Variants in ZRANB3 observed in about 807,000 individuals in gnomAD.
ZRANB3 encodes DNA annealing helicase and endonuclease ZRANB3.
In ZRANB3, 125 loss-of-function variants were observed where a neutral mutation model predicts 133.8. The observed-to-expected ratio is 0.93, with a 90% CI of 0.81 to 1.08. The LOEUF is 1.08. Ranked by LOEUF, ZRANB3 falls within the 50% of genes least tolerant of loss-of-function variation. The pLI is 0.00. For synonymous variants in ZRANB3, 387 were observed against 432.7 expected (o/e 0.89, Z 1.31); for missense variants, 1,229 against 1,275.5 (o/e 0.96, Z 0.56).
At chr2:135,420,058 A>G (rs13385683) in intron 2 of ZRANB3, among the ~76,000 whole-genome samples, 2,211 of 145,192 alleles carry the variant, frequency 0.015, 48 homozygotes, top group African/African-American at 0.051. Flanking sequence ...TACATTTTAG[A>G]TTTTACGTAA....
intron 12 of ZRANB3, among the ~76,000 whole-genome samples, chr2:135,261,711 A>C (rs1679973689): frequency 6.6e-6 from 1 of 152,244 alleles, no homozygotes; most frequent in Non-Finnish European, 1.5e-5. Context: ...CAAATTCTTA[A>C]TATCTAGCTT....
intron 2 of ZRANB3, among the ~76,000 whole-genome samples, chr2:135,418,880 T>A (rs562116870): frequency 6.7e-6 from 1 of 150,206 alleles, no homozygotes; most frequent in East Asian, 2.0e-4. Flanking sequence ...TTCCTAACTA[T>A]ATATACCTGT....
chr2:135,230,009 T>A (rs902366936), intron 13 of ZRANB3, among the ~76,000 whole-genome samples: 1 of 152,174 alleles, frequency 6.6e-6, no homozygotes, highest in African/African-American at 2.4e-5. Flanking sequence ...CAAATGAAGA[T>A]TGATCCATAG....
intron 6 of ZRANB3, among the ~76,000 whole-genome samples, chr2:135,318,209 ATT>A (rs1313507659): frequency 4.5e-5 from 5 of 112,192 alleles, no homozygotes; most frequent in African/African-American, 7.6e-5. Context: ...TTTACACACT[ATT>A]TTGTGTGTGT....
chr2:135,212,761 T>C (rs1385615088), intron 17 of ZRANB3, among the ~76,000 whole-genome samples: 4 of 152,126 alleles, frequency 2.6e-5, no homozygotes, highest in African/African-American at 9.7e-5. Flanking sequence ...AAGATGGCAA[T>C]TTTTGCAAGA....
intron 1 of ZRANB3, chr2:135,511,962 C>A (rs916244040): frequency 2.7e-6 from 2 of 730,048 alleles, no homozygotes; most frequent in Non-Finnish European, 5.1e-6. Flanking sequence ...TCAATTCAAA[C>A]TGAGGGGAAA....
intron 1 of ZRANB3, among the ~76,000 whole-genome samples, chr2:135,518,449 T>C (rs1426058800): frequency 6.6e-6 from 1 of 152,186 alleles, no homozygotes; most frequent in Non-Finnish European, 1.5e-5. Flanking sequence ...GCATAGTATC[T>C]GGGCTGGAAT....
chr2:135,498,790 A>C (rs932671284), intron 2 of ZRANB3, among the ~76,000 whole-genome samples: 8 of 152,192 alleles, frequency 5.3e-5, no homozygotes, highest in Non-Finnish European at 1.2e-4. Context: ...GTTGTAGATA[A>C]GGGATGAAAT....
intron 12 of ZRANB3, among the ~76,000 whole-genome samples, chr2:135,231,997 G>A (rs973860487): frequency 6.6e-6 from 1 of 152,178 alleles, no homozygotes; most frequent in Non-Finnish European, 1.5e-5. Flanking sequence ...GCGAGGCATC[G>A]ACTCACCCGG....
At chr2:135,505,049 G>C (rs1468010170) in intron 1 of ZRANB3, among the ~76,000 whole-genome samples, 1 of 151,886 alleles carries the variant, frequency 6.6e-6, no homozygotes, top group East Asian at 1.9e-4. Context: ...TCTTTTTAAT[G>C]AGCTGAATCC....
intron 2 of ZRANB3, among the ~76,000 whole-genome samples, chr2:135,460,411 G>A (rs907568721): frequency 1.3e-5 from 2 of 151,812 alleles, no homozygotes; most frequent in Admixed American, 6.6e-5. Context: ...ACAGGTGCCC[G>A]CCACCACGCC....
At chr2:135,458,040 C>T (rs906438388) in intron 2 of ZRANB3, among the ~76,000 whole-genome samples, 1 of 152,126 alleles carries the variant, frequency 6.6e-6, no homozygotes, top group African/African-American at 2.4e-5. Flanking sequence ...CTAGCTCTTA[C>T]ATCTTTGATC....
chr2:135,268,506 A>T (rs1254269776), intron 11 of ZRANB3, among the ~76,000 whole-genome samples: 3 of 152,140 alleles, frequency 2.0e-5, no homozygotes, highest in African/African-American at 7.2e-5. Context: ...TTCTATAAAC[A>T]TTGTCAAGAC....
At chr2:135,404,609 A>G (rs891282292) in intron 2 of ZRANB3, among the ~76,000 whole-genome samples, 1 of 152,202 alleles carries the variant, frequency 6.6e-6, no homozygotes, top group Admixed American at 6.5e-5. Flanking sequence ...AATGCTACAA[A>G]GATACTCCTC....
chr2:135,367,485 A>T (rs961644648), intron 3 of ZRANB3, among the ~76,000 whole-genome samples: 1 of 152,154 alleles, frequency 6.6e-6, no homozygotes, highest in African/African-American at 2.4e-5. Context: ...GTCTTTATAA[A>T]CAATCACTGT....
intron 2 of ZRANB3, among the ~76,000 whole-genome samples, chr2:135,408,194 C>T (rs968740277): frequency 6.6e-6 from 1 of 151,808 alleles, no homozygotes; most frequent in Non-Finnish European, 1.5e-5. Context: ...CAAAAGAAGA[C>T]GTTTATGCAG....
At chr2:135,292,811 A>G (rs1451431564) in intron 8 of ZRANB3, among the ~76,000 whole-genome samples, 2 of 152,170 alleles carry the variant, frequency 1.3e-5, no homozygotes, top group Admixed American at 6.5e-5. Context: ...CTTTCTACAT[A>G]TGGCTAGCCA....
chr2:135,510,443 T>C, intron 1 of ZRANB3: 1 of 463,590 alleles, frequency 2.2e-6, no homozygotes, highest in East Asian at 4.0e-5. Context: ...AAGCAGTTTA[T>C]AACAAACTGG....
intron 8 of ZRANB3, among the ~76,000 whole-genome samples, chr2:135,285,759 G>A (rs1221979383): frequency 6.6e-6 from 1 of 152,180 alleles, no homozygotes; most frequent in Non-Finnish European, 1.5e-5. Flanking sequence ...CTAAAAATAA[G>A]GCATTGTTTT....
Sources: gnomAD v4.1 joint callset for allele counts (sites outside exome capture counted in the v4.1 genomes callset) on GRCh38, gnomAD v4.1.1 for gene constraint, MANE v1.5 for transcripts, NCBI Gene and HGNC (gene_info 2026-07-23, HGNC 2026-07-21) for gene names.